TRMO: variants seen among roughly 807,000 people sequenced by gnomAD.
The protein encoded by TRMO is tRNA (adenine(37)-N6)-methyltransferase.
TRMO carries 30 observed loss-of-function variants against 37.2 expected under a neutral mutation model. That is an observed-to-expected ratio of 0.81 (90% CI 0.60 to 1.09). The LOEUF (loss-of-function observed/expected upper bound fraction) is 1.09. Ranked by LOEUF, TRMO falls within the 50% of genes least tolerant of loss-of-function variation. The pLI is 0.00. For missense variants in TRMO, 552 were observed against 549.5 expected (o/e 1.00, Z -0.05); for synonymous variants, 239 against 199.4 (o/e 1.20, Z -1.67).
In TRMO at chr9:97,922,496, C is replaced by A. The variant is rs199804891; in HGVS notation, c.-3G>T. On this transcript the variant is annotated 5_prime_UTR_variant, in exon 1 of 5. Coordinates refer to ENST00000375119, the MANE Select transcript of TRMO (RefSeq NM_016481.5). ...CCCGACTCCTCCAAGCCGCGCATGGCTACTGGTTGCTGAGGTGCCCACCCG... is the reference window on the plus strand; with the variant it reads ...CCCGACTCCTCCAAGCCGCGCATGGATACTGGTTGCTGAGGTGCCCACCCG... 2 of 1,570,004 alleles carry A rather than the reference C, an allele frequency of 1.3e-6. No individual in the cohort carries two copies. The highest frequency in any genetic ancestry group is 8.6e-7 in the Non-Finnish European group (1 of 1,159,992).
chr9:97,907,376 G>C (rs576561924), intron 4 of TRMO, among the ~76,000 whole-genome samples: 3 of 152,312 alleles, frequency 2.0e-5, no homozygotes, highest in African/African-American at 7.2e-5. Flanking sequence ...CAGTTGGCAT[G>C]TATCTCCAGT....
chr9:97,902,522 G>C (rs1825699848), downstream of TRMO, among the ~76,000 whole-genome samples: 1 of 152,080 alleles, frequency 6.6e-6, no homozygotes. Context: ...GGCTGATCAC[G>C]AACTCCTGAC....
At chr9:97,916,404 T>G in intron 1 of TRMO, 66 bp from the exon 2 acceptor site, 1 of 1,124,564 alleles carries the variant, frequency 8.9e-7, no homozygotes, top group Non-Finnish European at 1.3e-6. Flanking sequence ...AGAAAACATG[T>G]TTTCTCTAAT....
rs555263079 is a variant in TRMO at position 97,918,014 on chromosome 9, C to T, written c.77-1676G>A. Among the ~76,000 whole-genome samples the T allele has an allele frequency of 2.4e-3, 362 of 151,888 alleles. 2 individuals carry two copies. Among genetic ancestry groups the T allele is most frequent in the Non-Finnish European group, 2.0e-3 (139 of 67,974 alleles). On this transcript the variant is annotated intron_variant, in intron 1 of 4. Transcript: ENST00000375119. ...ACCAATTTTTTTAACAGTGGTTAATCTGGGTGGTGAGATTTTTTAATTACC... is the reference window on the plus strand; with the variant it reads ...ACCAATTTTTTTAACAGTGGTTAATTTGGGTGGTGAGATTTTTTAATTACC...
downstream of TRMO, among the ~76,000 whole-genome samples, chr9:97,902,896 G>C (rs1156882511): frequency 6.6e-6 from 1 of 152,166 alleles, no homozygotes; most frequent in Non-Finnish European, 1.5e-5. Flanking sequence ...GAAAAGCTGG[G>C]TGAAGGGTAC....
chr9:97,916,300 A>G lies in TRMO; in HGVS notation c.115T>C (p.Cys39Arg). The G allele has an allele frequency of 6.2e-7, 1 of 1,613,556 alleles. No individual in the cohort carries two copies. The highest frequency in any genetic ancestry group is 8.5e-7 in the Non-Finnish European group (1 of 1,179,776). ...GGAGTACCATTCTTGGCCGAGAAAC[A>G]AGATTCCAAGTAGCCGACTGGCTCA... ...LTEPVGYLES[C>R]FSAKNGTPRQ... The change falls in exon 2 of 5, where the codon TGT becomes CGT. Residue 39 changes from cysteine (C) to arginine (R), a missense_variant. Coordinates refer to ENST00000375119, the MANE Select transcript of TRMO (RefSeq NM_016481.5).
chr9:97,911,929 G>A (rs1826143779), intron 3 of TRMO: 1 of 152,164 alleles, frequency 6.6e-6, no homozygotes, highest in South Asian at 2.1e-4. Flanking sequence ...TTATGAATGA[G>A]CTGGAACTCT....
intron 4 of TRMO, 57 bp downstream of exon 4, chr9:97,909,903 G>T: frequency 1.5e-6 from 2 of 1,330,862 alleles, no homozygotes; most frequent in Non-Finnish European, 2.1e-6. Flanking sequence ...TACCAAACTT[G>T]GCTAAATCTC....
At chr9:97,905,729 A>C (rs778702060) in intron 4 of TRMO, among the ~76,000 whole-genome samples, 2 of 152,194 alleles carry the variant, frequency 1.3e-5, no homozygotes, top group Non-Finnish European at 2.9e-5. Context: ...TCAAAATATC[A>C]TCTGTGGTGG....
chr9:97,900,795 C>A (rs957905954), downstream of TRMO: 1 of 938,868 alleles, frequency 1.1e-6, no homozygotes, highest in African/African-American at 1.8e-5. Flanking sequence ...ATTTTAAAAA[C>A]CCTACCAACA....
chr9:97,916,793 C>T (rs1484042467), intron 1 of TRMO, among the ~76,000 whole-genome samples: 4 of 147,176 alleles, frequency 2.7e-5, no homozygotes, highest in East Asian at 4.0e-4. Flanking sequence ...GCAACTTCTG[C>T]TTCCCGGGTT....
At chr9:97,915,621 C>G (rs995644759) in intron 2 of TRMO, 18 of 152,202 alleles carry the variant, frequency 1.2e-4, no homozygotes, top group African/African-American at 4.3e-4. Flanking sequence ...GGATCCCAAG[C>G]TTCCCTGAGG....
At chr9:97,922,105 T>C (rs17431614) in intron 1 of TRMO, among the ~76,000 whole-genome samples, 45,804 of 151,864 alleles carry the variant, frequency 0.3, 7,723 homozygotes, top group Non-Finnish European at 0.37. Flanking sequence ...CCTAACACCA[T>C]CTCCCATACG....
chr9:97,900,308 T>C (rs1831141543), downstream of TRMO, among the ~76,000 whole-genome samples: 1 of 152,232 alleles, frequency 6.6e-6, no homozygotes, highest in South Asian at 2.1e-4. Context: ...CAGGGTGCAG[T>C]GACTTGCCTG....
intron 4 of TRMO, among the ~76,000 whole-genome samples, chr9:97,909,134 T>C (rs1399434283): frequency 2.0e-5 from 3 of 152,194 alleles, no homozygotes; most frequent in African/African-American, 7.2e-5. Context: ...GGATTTTTAA[T>C]AGAGATAGGG....
chr9:97,913,484 G>C lies in TRMO; in HGVS notation c.326C>G (p.Ala109Gly). 1 of 1,614,044 alleles carries C rather than the reference G, an allele frequency of 6.2e-7. No homozygotes were observed. Among genetic ancestry groups the C allele is most frequent in the Non-Finnish European group, 8.5e-7 (1 of 1,179,952 alleles). The change falls in exon 3 of 5, where the codon GCA becomes GGA. Residue 109 changes from alanine to glycine, a missense_variant. Coordinates refer to ENST00000375119, the MANE Select transcript of TRMO (RefSeq NM_016481.5). ...AKVQPPRLNG[A>G]KTGVFSTRSP... ...CCTTGTGGAAAAAACTCCAGTCTTTGCACCATTCAGCCTAGGAGGCTGCAC... is the reference window on the plus strand; with the variant it reads ...CCTTGTGGAAAAAACTCCAGTCTTTCCACCATTCAGCCTAGGAGGCTGCAC...
At chr9:97,917,404 T>C (rs1258694556) in intron 1 of TRMO, among the ~76,000 whole-genome samples, 2 of 152,362 alleles carry the variant, frequency 1.3e-5, no homozygotes, top group East Asian at 3.9e-4. Context: ...GTAAGCTCCA[T>C]GTGGGCAGTT....
Position 97,910,571 on chromosome 9 carries a change from G to T in TRMO, c.455C>A (p.Pro152His). The change falls in exon 4 of 5, where the codon CCC becomes CAC. Residue 152 changes from proline to histidine, a missense_variant. By Grantham distance (77) the Pro-to-His change is moderately conservative (BLOSUM62 -2). Coordinates refer to ENST00000375119, the MANE Select transcript of TRMO (RefSeq NM_016481.5). ...TATGTAGGGCTTGATGTCTAGTACG[G>T]GTGTGCCATGTATCATGTCAATTCC... is the stretch of plus-strand genomic sequence containing the variant. ...LSGIDMIHGTPVLDIKPYIAE... is the reference protein window; with the variant it reads ...LSGIDMIHGTHVLDIKPYIAE... The T allele has an allele frequency of 6.2e-7, 1 of 1,613,958 alleles. No homozygotes were observed. The highest frequency in any genetic ancestry group is 8.5e-7 in the Non-Finnish European group (1 of 1,179,872).
chr9:97,922,286 T>C (rs1410920925), intron 1 of TRMO, 132 bp downstream of exon 1: 1 of 660,398 alleles, frequency 1.5e-6, no homozygotes, highest in African/African-American at 1.8e-5. Flanking sequence ...ACGTGACCCG[T>C]GCCTTCGCCG....
Sources: gnomAD v4.1 joint callset for allele counts (sites outside exome capture counted in the v4.1 genomes callset) on GRCh38, gnomAD v4.1.1 for gene constraint, MANE v1.5 for transcripts, NCBI Gene and HGNC (gene_info 2026-07-23, HGNC 2026-07-21) for gene names.